Variants in VPS13B observed in about 807,000 individuals in gnomAD.
VPS13B encodes intermembrane lipid transfer protein VPS13B.
A neutral mutation model predicts 426.4 loss-of-function variants in VPS13B; 285 were observed. The ratio of observed to expected loss-of-function variants is 0.67; its 90% CI spans 0.61 to 0.74. The LOEUF (loss-of-function observed/expected upper bound fraction) is 0.74, where lower values mean the gene tolerates loss of function less well. Among genes scored for constraint, VPS13B ranks in the 30% least tolerant of loss-of-function variants. The pLI is 0.00. For synonymous variants in VPS13B, 1,676 were observed against 1,676.4 expected (o/e 1.00, Z 0.01); for missense variants, 4,537 against 4,782.6 (o/e 0.95, Z 1.51).
At chr8:99,134,496 C>T (rs1436048710) in intron 8 of VPS13B, 136 bp from the exon 9 acceptor site, 2 of 665,348 alleles carry the variant, frequency 3.0e-6, no homozygotes, top group Non-Finnish European at 5.1e-6. Context: ...GTTTTTGTTG[C>T]ACCTGCTTTC....
intron 17 of VPS13B, chr8:99,209,545 T>G (rs1452854062): frequency 4.3e-6 from 1 of 233,186 alleles, no homozygotes; most frequent in Non-Finnish European, 8.5e-6. Flanking sequence ...TTCACTACTA[T>G]TATGAATTAT....
chr8:99,029,062 G>A (rs200160289), intron 2 of VPS13B, among the ~76,000 whole-genome samples: 100,494 of 143,174 alleles, frequency 0.7, 35,976 homozygotes, highest in South Asian at 0.85. Context: ...CTTCTCAGAC[G>A]GGGCGGCCGG....
intron 17 of VPS13B, chr8:99,233,369 C>G: frequency 9.3e-7 from 1 of 1,069,522 alleles, no homozygotes; most frequent in Admixed American, 1.7e-5. Flanking sequence ...TTTAGTTTCC[C>G]GAAGATCCGT....
chr8:99,871,075 C>CT, intron 60 of VPS13B, 188 bp downstream of exon 60: 1 of 668,766 alleles, frequency 1.5e-6, no homozygotes, highest in Non-Finnish European at 2.6e-6. Context: ...AGGTTTGGGG[C>CT]TGGCTGCACA....
intron 58 of VPS13B, among the ~76,000 whole-genome samples, chr8:99,866,810 A>G (rs1817125962): frequency 6.6e-6 from 1 of 152,174 alleles, no homozygotes. Flanking sequence ...TGATCTTCCA[A>G]ATGGAGTGGA....
Position 99,469,749 on chromosome 8 carries a change from G to T in VPS13B, c.3666+2115G>T, listed in dbSNP as rs370148756. 7.2e-5 allele frequency among the ~76,000 whole-genome samples: 11 copies of T among 152,230 alleles called. No homozygotes were observed. In the East Asian group the frequency reaches 1.7e-3, roughly 24 times the overall value. ...TGTATCTCAGATATAACCTTATTTGGTTATAGGTTTGTAACAGAAGTAAGT... is the reference window on the plus strand; with the variant it reads ...TGTATCTCAGATATAACCTTATTTGTTTATAGGTTTGTAACAGAAGTAAGT... On this transcript the variant is annotated intron_variant, in intron 24 of 61. Coordinates refer to ENST00000357162, the MANE Select transcript of VPS13B (RefSeq NM_152564.5).
chr8:99,776,740 G>A, intron 40 of VPS13B, 35 bp from the exon 41 acceptor site: 1 of 1,612,070 alleles, frequency 6.2e-7, no homozygotes, highest in South Asian at 1.1e-5. Flanking sequence ...GGAAATTTTG[G>A]TTATTGAACT....
intron 19 of VPS13B, among the ~76,000 whole-genome samples, chr8:99,286,440 A>G (rs181430378): frequency 7.4e-4 from 113 of 152,314 alleles, no homozygotes; most frequent in Middle Eastern, 3.4e-3. Flanking sequence ...TCAAAGGAGA[A>G]TTTAAAAAAC....
intron 31 of VPS13B, among the ~76,000 whole-genome samples, chr8:99,567,446 T>C (rs148759069): frequency 9.4e-4 from 142 of 151,700 alleles, no homozygotes; most frequent in Non-Finnish European, 1.6e-3. Context: ...CTTTGTTTTG[T>C]TCTTTTGTTT....
At chr8:99,625,506 A>G (rs545002471) in intron 33 of VPS13B, among the ~76,000 whole-genome samples, 1 of 152,254 alleles carries the variant, frequency 6.6e-6, no homozygotes, top group South Asian at 2.1e-4. Flanking sequence ...TGAGTCCAGG[A>G]GTTCAAGACC....
At chr8:99,018,608 T>C (rs1364991954) in intron 2 of VPS13B, among the ~76,000 whole-genome samples, 1 of 152,222 alleles carries the variant, frequency 6.6e-6, no homozygotes, top group African/African-American at 2.4e-5. Context: ...CATTTCATTA[T>C]TGCAGTGGGC....
intron 39 of VPS13B, among the ~76,000 whole-genome samples, chr8:99,743,499 G>T (rs1809881239): frequency 6.6e-6 from 1 of 152,150 alleles, no homozygotes; most frequent in East Asian, 1.9e-4. Flanking sequence ...AACCAAAAAA[G>T]AGCCCGCATC....
At chr8:99,437,703 G>A (rs1045299770) in intron 22 of VPS13B, among the ~76,000 whole-genome samples, 2 of 151,978 alleles carry the variant, frequency 1.3e-5, no homozygotes, top group Non-Finnish European at 1.5e-5. Context: ...GGGTGACAGA[G>A]CAAAACTCTG....
intron 30 of VPS13B, among the ~76,000 whole-genome samples, chr8:99,529,346 TGTG>T (rs1306097195): frequency 3.3e-5 from 5 of 152,180 alleles, no homozygotes; most frequent in Non-Finnish European, 7.4e-5. Flanking sequence ...AATAATGTAT[TGTG>T]GTCATCTTTC....
intron 19 of VPS13B, among the ~76,000 whole-genome samples, chr8:99,355,183 A>G (rs1812112295): frequency 1.3e-5 from 2 of 152,210 alleles, no homozygotes; most frequent in South Asian, 4.1e-4. Flanking sequence ...TTAACATTCT[A>G]TCTCACTTAG....
intron 17 of VPS13B, among the ~76,000 whole-genome samples, chr8:99,238,920 C>T (rs1042255663): frequency 2.6e-5 from 4 of 151,582 alleles, no homozygotes; most frequent in Non-Finnish European, 4.4e-5. Flanking sequence ...ATCTTTTTCC[C>T]CTCTCCAAAA....
chr8:99,663,111 A>G (rs1177146575), intron 35 of VPS13B, among the ~76,000 whole-genome samples: 1 of 152,190 alleles, frequency 6.6e-6, no homozygotes, highest in South Asian at 2.1e-4. Context: ...TAAGATCTCT[A>G]GCAATACCCC....
chr8:99,234,521 T>G, intron 17 of VPS13B: 2 of 496,798 alleles, frequency 4.0e-6, no homozygotes, highest in South Asian at 3.2e-5. Flanking sequence ...TTCCGCGGGG[T>G]TGGGGTTCAG....
intron 19 of VPS13B, among the ~76,000 whole-genome samples, chr8:99,296,329 T>C (rs890519286): frequency 2.0e-5 from 3 of 152,184 alleles, no homozygotes; most frequent in Non-Finnish European, 4.4e-5. Context: ...AAACTTTTTT[T>C]CACTGGAAAT....
Sources: allele counts gnomAD v4.1 joint callset (sites outside exome capture counted in the v4.1 genomes callset), GRCh38; gene constraint gnomAD v4.1.1; transcripts MANE v1.5; gene names NCBI Gene and HGNC (gene_info 2026-07-23, HGNC 2026-07-21).